Variants in ADCY9 observed in about 807,000 individuals in gnomAD.
ADCY9 encodes the protein adenylate cyclase type 9.
Under a neutral mutation model 101.5 loss-of-function variants are expected in ADCY9, and 50 were observed. The ratio of observed to expected loss-of-function variants is 0.49; its 90% CI spans 0.39 to 0.62. The LOEUF is 0.62. Among genes scored for constraint, ADCY9 ranks in the 20% least tolerant of loss-of-function variants. The probability of loss-of-function intolerance (pLI) is 0.00; values close to 1 mark genes in which losing one functional copy is unlikely to be tolerated. For synonymous variants in ADCY9, 905 were observed against 769.3 expected (o/e 1.18, Z -2.92); for missense variants, 1,662 against 1,800.4 (o/e 0.92, Z 1.39).
intron 3 of ADCY9, among the ~76,000 whole-genome samples, chr16:4,000,479 T>C (rs1348164893): frequency 1.3e-5 from 2 of 152,120 alleles, no homozygotes; most frequent in Non-Finnish European, 2.9e-5. Context: ...AAGTACAAAA[T>C]AGAGTATTTC....
intron 2 of ADCY9, among the ~76,000 whole-genome samples, chr16:4,021,309 C>T (rs752364632): frequency 6.6e-6 from 1 of 152,192 alleles, no homozygotes; most frequent in Non-Finnish European, 1.5e-5. Flanking sequence ...AAGGCCACGC[C>T]GGCAGCAGGT....
At chr16:3,979,855 A>T (rs991116319) in intron 7 of ADCY9, among the ~76,000 whole-genome samples, 1 of 152,268 alleles carries the variant, frequency 6.6e-6, no homozygotes, top group Non-Finnish European at 1.5e-5. Context: ...TGCTGACAGC[A>T]TCTTAGCCCA....
rs2057127911 is a variant in ADCY9 at position 4,113,686 on chromosome 16, T to C, written c.1693+64A>G. 2.0e-6 allele frequency: 3 copies of C among 1,529,826 alleles called. No homozygotes were observed. The African/African-American group carries it at 4.2e-5, about 21-fold the overall frequency. The allele number at this position is 1,529,826 out of a possible 1,614,324, so 94.8% of individuals were successfully genotyped here. A position where few individuals can be genotyped will look rare whatever the true frequency, so the allele number is the denominator to read the frequency against. On this transcript the variant is annotated intron_variant, in intron 2 of 10. Coordinates refer to ENST00000294016, the MANE Select transcript of ADCY9 (RefSeq NM_001116.4). ...TGCAGACACTGAGGCTGGAAGCTTT[T>C]TTTTTTAATTTAATACAATCAGGAT...
Position 4,114,722 on chromosome 16 carries a change from G to C in ADCY9, c.721C>G (p.Pro241Ala), listed in dbSNP as rs1052767711. Residue 241 changes from proline (P) to alanine (A), a missense_variant, in exon 2 of 11, where the codon CCT (proline) becomes GCT (alanine). Physicochemically the swap from Pro to Ala is conservative, Grantham distance 27. This residue lies in a region of ADCY9 where 422 missense variants were observed against 392.0 expected (regional missense o/e 1.08). Coordinates refer to ENST00000294016, the MANE Select transcript of ADCY9 (RefSeq NM_001116.4). This position sits in a 1 kb window ranked among gnomAD's most constrained non-coding sequence, Gnocchi z 4.3. ...CCCAGACACAAACTCAGGTACAAAGGTAAGTGCATGACGGTATAGAGCAAA... is the reference window on the plus strand; with the variant it reads ...CCCAGACACAAACTCAGGTACAAAGCTAAGTGCATGACGGTATAGAGCAAA... ...LFLLYTVMHL[P>A]LYLSLCLGVA... The C allele has an allele frequency of 1.9e-6, 3 of 1,613,042 alleles. No homozygotes were observed. The Admixed American group carries it at 5.0e-5, about 27-fold the overall frequency.
chr16:3,979,893 T>G (rs1045686216), intron 7 of ADCY9, among the ~76,000 whole-genome samples: 2 of 152,252 alleles, frequency 1.3e-5, no homozygotes, highest in African/African-American at 4.8e-5. Context: ...ACAAACAGGG[T>G]GCTCTGTGGT....
intron 6 of ADCY9, chr16:3,983,963 G>C (rs959008314): frequency 5.8e-5 from 9 of 154,156 alleles, no homozygotes; most frequent in African/African-American, 1.7e-4. Context: ...AGTGGTTTGT[G>C]CCTGTAGTCC....
intron 2 of ADCY9, among the ~76,000 whole-genome samples, chr16:4,040,939 C>T (rs554767119): frequency 3.1e-4 from 47 of 152,110 alleles, no homozygotes; most frequent in African/African-American, 1.1e-3. Flanking sequence ...TTCCAGTAGA[C>T]ATGGGAGGGT....
chr16:3,976,683 A>G (rs2056094972), intron 9 of ADCY9, among the ~76,000 whole-genome samples: 1 of 152,122 alleles, frequency 6.6e-6, no homozygotes, highest in African/African-American at 2.4e-5. Flanking sequence ...TTGAGATGGA[A>G]TCTCACTCTT....
chr16:3,954,457 C>G (rs1326187123), intron 5 of ADCY9, among the ~76,000 whole-genome samples: 6 of 152,118 alleles, frequency 3.9e-5, no homozygotes, highest in Non-Finnish European at 7.4e-5. Flanking sequence ...GGGATCAGGC[C>G]CAGAACTCCC....
At chr16:4,059,941 G>C (rs2056764298) in intron 2 of ADCY9, among the ~76,000 whole-genome samples, 1 of 152,148 alleles carries the variant, frequency 6.6e-6, no homozygotes, top group African/African-American at 2.4e-5. Flanking sequence ...ACCAAATCTT[G>C]AGTTAGAGCG....
At chr16:3,977,718 C>T in intron 8 of ADCY9, 88 bp from the exon 9 acceptor site, 1 of 1,477,596 alleles carries the variant, frequency 6.8e-7, no homozygotes, top group East Asian at 2.4e-5. Context: ...GCCACTAATC[C>T]ATGTTTCCTT....
chr16:3,968,375 G>A (rs951246268), intron 10 of ADCY9, among the ~76,000 whole-genome samples: 4 of 151,156 alleles, frequency 2.6e-5, no homozygotes, highest in South Asian at 2.1e-4. Context: ...CAGGTGATCC[G>A]CCCACCTCAG....
intron 2 of ADCY9, among the ~76,000 whole-genome samples, chr16:4,103,534 G>A (rs1262102281): frequency 6.6e-6 from 1 of 152,074 alleles, no homozygotes; most frequent in African/African-American, 2.4e-5. Context: ...CTTCACTTAA[G>A]AATGTCCCTG....
At chr16:4,083,858 T>TGGGGGTGGCAGCTCGGGGGTGGCAGCTC (rs1243062809) in intron 2 of ADCY9, among the ~76,000 whole-genome samples, 26 of 152,124 alleles carry the variant, frequency 1.7e-4, no homozygotes, top group Non-Finnish European at 3.2e-4. Flanking sequence ...CTGGGAGCAC[T>TGGGGGTGGCAGCTCGGGGGTGGCAGCTC]GGGGGTGGCA....
At chr16:3,969,763 C>T (rs1338582377) in intron 10 of ADCY9, among the ~76,000 whole-genome samples, 1 of 149,580 alleles carries the variant, frequency 6.7e-6, no homozygotes, top group Non-Finnish European at 1.5e-5. Context: ...TACAGGCACA[C>T]ACCACCACAC....
At chr16:4,084,483 T>C (rs1389302211) in intron 2 of ADCY9, among the ~76,000 whole-genome samples, 1 of 151,964 alleles carries the variant, frequency 6.6e-6, no homozygotes, top group East Asian at 1.9e-4. Context: ...CTCAACACTC[T>C]GGGAGGCCAA....
chr16:4,059,018 A>G (rs536330180), intron 2 of ADCY9, among the ~76,000 whole-genome samples: 1 of 152,340 alleles, frequency 6.6e-6, no homozygotes, highest in Non-Finnish European at 1.5e-5. Context: ...TGGGATTAGT[A>G]AAGATTTTCA....
chr16:4,033,061 A>G (rs1201284753), intron 2 of ADCY9: 3 of 152,270 alleles, frequency 2.0e-5, no homozygotes, highest in Non-Finnish European at 2.9e-5. Context: ...TTGCTGTGCA[A>G]ACACACCTAA....
chr16:4,047,105 T>C (rs146958811), intron 2 of ADCY9, among the ~76,000 whole-genome samples: 1 of 152,344 alleles, frequency 6.6e-6, no homozygotes, highest in Non-Finnish European at 1.5e-5. Flanking sequence ...CATTGAATGC[T>C]AATTTCTTCG....
Sources: gnomAD v4.1 joint callset for allele counts (sites outside exome capture counted in the v4.1 genomes callset) on GRCh38, gnomAD v4.1.1 for gene constraint, gnomAD v4.1.1 regional missense constraint, Gnocchi (gnomAD v3.1) non-coding constraint, MANE v1.5 for transcripts, NCBI Gene and HGNC (gene_info 2026-07-23, HGNC 2026-07-21) for gene names.